The following SGK2 variants were observed in gnomAD, a reference collection of about 807,000 sequenced individuals.
The protein encoded by SGK2 is serum/glucocorticoid regulated kinase 2, also known as serine/threonine-protein kinase Sgk2.
Under a neutral mutation model 47.5 loss-of-function variants are expected in SGK2, and 36 were observed. That is an observed-to-expected ratio of 0.76 (90% CI 0.58 to 1.00). The LOEUF is 1.00. SGK2 is among the 50% of genes least tolerant of loss of function. The probability of loss-of-function intolerance (pLI) is 0.00; values close to 1 mark genes in which losing one functional copy is unlikely to be tolerated. For synonymous variants in SGK2, 157 were observed against 181.9 expected (o/e 0.86, Z 1.10); for missense variants, 404 against 467.4 (o/e 0.86, Z 1.25).
Position 43,580,011 on chromosome 20 carries a change from T to C in SGK2, c.889T>C (p.Trp297Arg), listed in dbSNP as rs1980694542. 4 of 1,612,714 alleles carry C rather than the reference T, an allele frequency of 2.5e-6. No individual in the cohort carries two copies. In the South Asian group the frequency reaches 4.4e-5, roughly 18 times the overall value. Residue 297 changes from tryptophan (W) to arginine (R), a missense_variant, in exon 12 of 13, where the codon TGG becomes CGG. Coordinates refer to ENST00000373100, the MANE Select transcript of SGK2 (RefSeq NM_170693.3). ...KNHVFFSPINWDDLYHKRLTP... is the reference protein window; with the variant it reads ...KNHVFFSPINRDDLYHKRLTP... ...CCATGTATTCTTCAGCCCCATAAACTGGGATGACCTGTACCACAAGAGGCT... is the reference window on the plus strand; with the variant it reads ...CCATGTATTCTTCAGCCCCATAAACCGGGATGACCTGTACCACAAGAGGCT...
intron 12 of SGK2, chr20:43,583,552 A>T (rs1980925549): frequency 1.0e-6 from 1 of 985,280 alleles, no homozygotes; most frequent in Non-Finnish European, 1.2e-6. Flanking sequence ...ACTAAAGCAG[A>T]TTTGCAAGCC....
intron 12 of SGK2, 38 bp from the exon 13 acceptor site, chr20:43,584,814 C>T (rs552691099): frequency 6.3e-7 from 1 of 1,592,370 alleles, no homozygotes; most frequent in East Asian, 2.2e-5. Context: ...CAGCTCTGAC[C>T]CCGGTGTTTT....
At chr20:43,580,862 T>G (rs1980752052) in intron 12 of SGK2, among the ~76,000 whole-genome samples, 1 of 152,002 alleles carries the variant, frequency 6.6e-6, no homozygotes, top group Admixed American at 6.6e-5. Context: ...CTATGTGTTT[T>G]TTTTTGTTTG....
intron 10 of SGK2, 73 bp downstream of exon 10, chr20:43,575,077 G>A: frequency 1.0e-6 from 1 of 976,670 alleles, no homozygotes; most frequent in Non-Finnish European, 1.6e-6. Context: ...GTCTACACAA[G>A]CTCTGTCCAG....
intron 1 of SGK2, among the ~76,000 whole-genome samples, chr20:43,560,555 G>A (rs1979321023): frequency 6.6e-6 from 1 of 151,972 alleles, no homozygotes; most frequent in African/African-American, 2.4e-5. Flanking sequence ...GTGACCTTGG[G>A]TCATGACCCT....
In SGK2 at chr20:43,585,019, G is replaced by C. The variant is rs369434006; in HGVS notation, c.*3G>C. On this transcript the variant is annotated 3_prime_UTR_variant, in exon 13 of 13. Coordinates refer to ENST00000373100, the MANE Select transcript of SGK2 (RefSeq NM_170693.3). ...ATGATGACATCTTGGATTGCTAGAAGAGAAGGACCTGTGAAACTACTGAGG... is the reference window on the plus strand; with the variant it reads ...ATGATGACATCTTGGATTGCTAGAACAGAAGGACCTGTGAAACTACTGAGG... 8.7e-6 allele frequency: 14 copies of C among 1,611,746 alleles called. No individual in the cohort carries two copies. The highest frequency in any genetic ancestry group is 1.0e-5 in the Non-Finnish European group (12 of 1,178,436).
In SGK2 at chr20:43,580,856, G is replaced by A. The variant is rs192597289; in HGVS notation, c.939+795G>A. On this transcript the variant is annotated intron_variant, in intron 12 of 12. Transcript: ENST00000373100. ...TATTTCCTTCCAGTCACTTTTCTATGTGTTTTTTTTTGTTTGTTTTGTTTT... is the reference window on the plus strand; with the variant it reads ...TATTTCCTTCCAGTCACTTTTCTATATGTTTTTTTTTGTTTGTTTTGTTTT... Among the ~76,000 whole-genome samples, 3 of 151,336 alleles carry A rather than the reference G, an allele frequency of 2.0e-5. No homozygotes were observed. The East Asian group carries it at 5.8e-4, about 29-fold the overall frequency.
intron 1 of SGK2, among the ~76,000 whole-genome samples, chr20:43,561,175 C>T (rs1203155857): frequency 6.6e-6 from 1 of 152,136 alleles, no homozygotes; most frequent in African/African-American, 2.4e-5. Context: ...GGAAAACAGC[C>T]ATGCAGGTGC....
At chr20:43,566,724 T>G (rs1979747128) in intron 2 of SGK2, among the ~76,000 whole-genome samples, 193 bp downstream of exon 2, 1 of 152,148 alleles carries the variant, frequency 6.6e-6, no homozygotes. Flanking sequence ...TCATGAGATT[T>G]GTCATGGAGA....
At chr20:43,574,455 C>T (rs1224441397) in intron 9 of SGK2, among the ~76,000 whole-genome samples, 1 of 152,250 alleles carries the variant, frequency 6.6e-6, no homozygotes, top group East Asian at 1.9e-4. Flanking sequence ...ACTCCCGGGG[C>T]CTTCCGTTCC....
chr20:43,573,417 A>G (rs570834500), intron 9 of SGK2, among the ~76,000 whole-genome samples: 5 of 143,034 alleles, frequency 3.5e-5, no homozygotes, highest in Admixed American at 7.4e-5. Context: ...TGAACCTGGG[A>G]GGCAGAGGTT....
chr20:43,565,788 T>C (rs1406000894), intron 1 of SGK2: 2 of 152,422 alleles, frequency 1.3e-5, no homozygotes, highest in Non-Finnish European at 2.9e-5. Context: ...AAGACACTAT[T>C]CCTGGCCACA....
Position 43,585,111 on chromosome 20 carries a change from C to A in SGK2, c.*95C>A, listed in dbSNP as rs73907844. 5.2e-3 allele frequency: 6,121 copies of A among 1,187,062 alleles called. 245 individuals carry two copies. In the African/African-American group the frequency reaches 0.081, roughly 16 times the overall value. The allele number at this position is 1,187,062 out of a possible 1,614,324, so 73.5% of individuals were successfully genotyped here. A position where few individuals can be genotyped will look rare whatever the true frequency, so the allele number is the denominator to read the frequency against. ...GAGCGACTCAAACTAACAATGGCTT[C>A]AACGAGAAGCAGGTTTATTTTTTCC... On this transcript the variant is annotated 3_prime_UTR_variant, in exon 13 of 13. Coordinates refer to ENST00000373100, the MANE Select transcript of SGK2 (RefSeq NM_170693.3).
Position 43,576,075 on chromosome 20 carries a change from T to G in SGK2, c.694-149T>G, listed in dbSNP as rs1980440619. The G allele has an allele frequency of 8.1e-6, 7 of 864,392 alleles. No individual in the cohort carries two copies. The Admixed American group carries it at 1.7e-4, about 21-fold the overall frequency. The allele number at this position is 864,392 out of a possible 1,614,324, so 53.5% of individuals were successfully genotyped here. A position where few individuals can be genotyped will look rare whatever the true frequency, so the allele number is the denominator to read the frequency against. On this transcript the variant is annotated intron_variant, in intron 10 of 12. Coordinates refer to ENST00000373100, the MANE Select transcript of SGK2 (RefSeq NM_170693.3). Reference sequence around the variant, plus strand: ...CTCTCCATGTGCCGGAAGCCTGGAGTCCTGTCTCTTTCCAGTCTGCCATGC... The same window carrying G: ...CTCTCCATGTGCCGGAAGCCTGGAGGCCTGTCTCTTTCCAGTCTGCCATGC...
At chr20:43,559,521 C>A (rs1979266035) in intron 1 of SGK2, among the ~76,000 whole-genome samples, 1 of 152,190 alleles carries the variant, frequency 6.6e-6, no homozygotes, top group Admixed American at 6.5e-5. Context: ...CTGTCTTGAT[C>A]ATGTCACTTC....
At chr20:43,580,097 G>A (rs375162203) in intron 12 of SGK2, 36 bp downstream of exon 12, 37 of 1,365,038 alleles carry the variant, frequency 2.7e-5, no homozygotes, top group South Asian at 1.1e-4. Context: ...CTGGATTTCC[G>A]GGGCTGGGGG....
intron 11 of SGK2, 34 bp downstream of exon 11, chr20:43,576,413 T>C (rs1980468031): frequency 1.2e-6 from 2 of 1,601,462 alleles, no homozygotes; most frequent in Admixed American, 1.7e-5. Flanking sequence ...CTGGCCCCCA[T>C]GGGGCTCGCA....
At chr20:43,567,779 G>A in intron 4 of SGK2, 57 bp downstream of exon 4, 1 of 1,583,300 alleles carries the variant, frequency 6.3e-7, no homozygotes, top group South Asian at 1.1e-5. Flanking sequence ...GCCTCTTCCA[G>A]CCCCTGCTGC....
At chr20:43,563,433 C>T (rs1979509269) in intron 1 of SGK2, among the ~76,000 whole-genome samples, 1 of 152,184 alleles carries the variant, frequency 6.6e-6, no homozygotes. Context: ...GGATGAGGAA[C>T]TCATCACTGG....
Sources: gnomAD v4.1 joint callset for allele counts (sites outside exome capture counted in the v4.1 genomes callset) on GRCh38, gnomAD v4.1.1 for gene constraint, MANE v1.5 for transcripts, NCBI Gene and HGNC (gene_info 2026-07-23, HGNC 2026-07-21) for gene names.